Variants in HYDIN observed in about 807,000 individuals in gnomAD.
HYDIN encodes the protein HYDIN axonemal central pair apparatus protein.
Under a neutral mutation model 403.9 loss-of-function variants are expected in HYDIN, and 132 were observed. That is an observed-to-expected ratio of 0.33 (90% CI 0.28 to 0.38). The LOEUF is 0.38. Ranked by LOEUF, HYDIN falls within the 10% of genes least tolerant of loss-of-function variation. The pLI, the probability that HYDIN is intolerant of heterozygous loss-of-function variation, is 1.00. For synonymous variants in HYDIN, 1,202 were observed against 1,891.7 expected (o/e 0.64, Z 9.46); for missense variants, 2,827 against 5,009.5 (o/e 0.56, Z 13.15).
chr16:71,203,677 A>T, intron 1 of HYDIN: 1 of 452,728 alleles, frequency 2.2e-6, no homozygotes, highest in Non-Finnish European at 4.4e-6. Context: ...CCATACACAA[A>T]TTATTCTATT....
intron 1 of HYDIN, among the ~76,000 whole-genome samples, chr16:71,197,714 T>C (rs555260396): frequency 9.2e-5 from 14 of 152,258 alleles, no homozygotes; most frequent in Non-Finnish European, 2.9e-5. Flanking sequence ...ATCCTCACTT[T>C]TTGTAGAAAT....
At chr16:70,848,366 A>G (rs1074451) in intron 75 of HYDIN, among the ~76,000 whole-genome samples, 7 of 152,052 alleles carry the variant, frequency 4.6e-5, no homozygotes, top group African/African-American at 1.2e-4. Context: ...TTTTTTCCCC[A>G]TATATGAGTT....
In HYDIN at chr16:71,175,642, T is replaced by C. The variant is rs2086641107; in HGVS notation, c.481A>G (p.Ile161Val). ...TCTGGAGTAAAGAGGATTCGGAATA[T>C]GGAAGGCACTCCAGGAGCCACTTTG... ...GHKVAPGVPS[I>V]FRILFTPEEN... Residue 161 changes from isoleucine (I) to valine (V), a missense_variant, in exon 5 of 86, where the codon ATA becomes GTA. Ile to Val is a conservative substitution (Grantham distance 29). Transcript: ENST00000393567. 3 of 1,614,092 alleles carry C rather than the reference T, an allele frequency of 1.9e-6. No individual in the cohort carries two copies. Among genetic ancestry groups the C allele is most frequent in the Admixed American group, 1.7e-5 (1 of 60,014 alleles).
At chr16:71,137,098 T>G (rs1193550542) in intron 8 of HYDIN, 53 bp downstream of exon 8, 1 of 853,326 alleles carries the variant, frequency 1.2e-6, no homozygotes, top group Non-Finnish European at 1.9e-6. Context: ...AATAACTGAG[T>G]TTTACATTCC....
intron 1 of HYDIN, among the ~76,000 whole-genome samples, chr16:71,200,945 T>C (rs565320176): frequency 6.6e-6 from 1 of 152,296 alleles, no homozygotes; most frequent in East Asian, 1.9e-4. Flanking sequence ...GGGCTCTCCC[T>C]GTTTCCTTTG....
intron 1 of HYDIN, among the ~76,000 whole-genome samples, chr16:71,207,660 G>T (rs1314154142): frequency 6.6e-6 from 1 of 152,174 alleles, no homozygotes. Context: ...CCAATGGTAT[G>T]CTGTCTTCAA....
In HYDIN at chr16:71,175,613, C is replaced by A; in HGVS notation, c.510G>T (p.Glu170Asp). Residue 170 changes from glutamate (E) to aspartate (D), a missense_variant, in exon 5 of 86, where the codon GAG becomes GAT. Coordinates refer to ENST00000393567, the MANE Select transcript of HYDIN (RefSeq NM_001270974.2). ...TTGCCATTCCTGGTATTACCTTGTT[C>A]TCCTCTGGAGTAAAGAGGATTCGGA... ...SIFRILFTPE[E>D]NKDYAHTLTC... is the part of the protein sequence containing the mutation. 6 of 1,613,946 alleles carry A rather than the reference C, an allele frequency of 3.7e-6. No homozygotes were observed. The highest frequency in any genetic ancestry group is 5.1e-6 in the Non-Finnish European group (6 of 1,179,866).
At chr16:70,822,033 T>C (rs2036301303) in intron 83 of HYDIN, among the ~76,000 whole-genome samples, 2 of 152,256 alleles carry the variant, frequency 1.3e-5, no homozygotes, top group South Asian at 4.1e-4. Flanking sequence ...ACATCTACTC[T>C]GCAGCCCACA....
chr16:71,162,105 T>C (rs971633324), intron 6 of HYDIN, among the ~76,000 whole-genome samples: 1 of 145,654 alleles, frequency 6.9e-6, no homozygotes, highest in East Asian at 2.0e-4. Flanking sequence ...TTTAGCCCAG[T>C]GCAACTTCTG....
intron 47 of HYDIN, among the ~76,000 whole-genome samples, chr16:70,911,800 G>C (rs1326164031): frequency 6.6e-6 from 1 of 150,970 alleles, no homozygotes; most frequent in Non-Finnish European, 1.5e-5. Flanking sequence ...GTGTTTTGTA[G>C]TTTTCCTTGC....
intron 1 of HYDIN, among the ~76,000 whole-genome samples, chr16:71,190,531 T>C (rs2087383947): frequency 6.6e-6 from 1 of 152,202 alleles, no homozygotes; most frequent in Non-Finnish European, 1.5e-5. Flanking sequence ...GTTAACCAAA[T>C]AGTTGATGAA....
At chr16:70,818,873 T>A (rs1342772672) in intron 83 of HYDIN, among the ~76,000 whole-genome samples, 6 of 152,152 alleles carry the variant, frequency 3.9e-5, no homozygotes, top group Non-Finnish European at 7.4e-5. Context: ...TGGCCGGCTC[T>A]GGAAAACAAG....
At chr16:71,211,993 A>T (rs1160156806) in intron 1 of HYDIN, among the ~76,000 whole-genome samples, 2 of 152,188 alleles carry the variant, frequency 1.3e-5, no homozygotes, top group Non-Finnish European at 2.9e-5. Flanking sequence ...CAAAAACGTC[A>T]ATGTGCTGAA....
At position 70,866,220 on chromosome 16, in the gene HYDIN, G is replaced by A; in HGVS notation, c.11420C>T (p.Ala3807Val). ...GGTTTCCTTAAAGCGCACATCTCTT[G>A]CTTGGCAATGGTATGAAGCGAAATC... ...NVDFASYHCQ[A>V]RDVRFKETLV... The change falls in exon 67 of 86, where the codon GCA becomes GTA. Residue 3807 changes from alanine (A) to valine (V), a missense_variant. Transcript: ENST00000393567. 6.9e-7 allele frequency: 1 copy of A among 1,453,944 alleles called. No individual in the cohort carries two copies. The highest frequency in any genetic ancestry group is 9.5e-7 in the Non-Finnish European group (1 of 1,049,310). The allele number at this position is 1,453,944 out of a possible 1,614,324, so 90.1% of individuals were successfully genotyped here.
chr16:70,860,163 A>C lies in HYDIN; in HGVS notation c.12034T>G (p.Cys4012Gly). The change falls in exon 71 of 86, where the codon TGC (cysteine) becomes GGC (glycine). Residue 4012 changes from cysteine to glycine, a missense_variant. Transcript: ENST00000393567. ...LNPTNSTYSF[C>G]WISEEIESLQ... ...CTTTCAATTTCTTCAGAGATCCAGC[A>C]GAAGGAGTAGGTGCTATTGGTTGGG... 6.2e-7 allele frequency: 1 copy of C among 1,614,098 alleles called. No individual in the cohort carries two copies. The highest frequency in any genetic ancestry group is 8.5e-7 in the Non-Finnish European group (1 of 1,179,952).
At chr16:70,989,056 T>G (rs550046195) in intron 25 of HYDIN, among the ~76,000 whole-genome samples, 2 of 152,036 alleles carry the variant, frequency 1.3e-5, no homozygotes, top group African/African-American at 2.4e-5. Context: ...TGTACATATA[T>G]ATGTACATAT....
chr16:71,152,798 G>A lies in HYDIN; in HGVS notation c.717-15C>T, dbSNP rs2085591932. On this transcript the variant is annotated splice_polypyrimidine_tract_variant and intron_variant, in intron 6 of 85. Transcript: ENST00000393567. ...TAGAGAAAGGCCTGCAACACACAGA[G>A]AGGCACATCATCAGAGCATATTTCT... 6.4e-7 allele frequency: 1 copy of A among 1,564,920 alleles called. No individual in the cohort carries two copies. Among genetic ancestry groups the A allele is most frequent in the Non-Finnish European group, 8.7e-7 (1 of 1,151,292 alleles).
intron 35 of HYDIN, among the ~76,000 whole-genome samples, chr16:70,971,531 A>G (rs892006511): frequency 6.6e-6 from 1 of 152,068 alleles, no homozygotes; most frequent in Non-Finnish European, 1.5e-5. Flanking sequence ...TAAGGCTGGG[A>G]TTCAGCATTT....
At chr16:71,177,078 G>A (rs28571623) in intron 4 of HYDIN, among the ~76,000 whole-genome samples, 53,849 of 151,672 alleles carry the variant, frequency 0.36, 9,944 homozygotes, top group East Asian at 0.57. Flanking sequence ...TGGTAGCTGG[G>A]CGTTCCTAGG....
Sources: allele counts gnomAD v4.1 joint callset (sites outside exome capture counted in the v4.1 genomes callset), GRCh38; gene constraint gnomAD v4.1.1; transcripts MANE v1.5; gene names NCBI Gene and HGNC (gene_info 2026-07-23, HGNC 2026-07-21).